The following DPF3 variants were observed in gnomAD, a reference collection of about 807,000 sequenced individuals.
DPF3 encodes double PHD fingers 3, also known as zinc finger protein DPF3.
A neutral mutation model predicts 56.8 loss-of-function variants in DPF3; 18 were observed. The observed-to-expected ratio is 0.32, with a 90% CI of 0.22 to 0.47. The LOEUF (loss-of-function observed/expected upper bound fraction) is 0.47, where lower values mean the gene tolerates loss of function less well. DPF3 is among the 20% of genes least tolerant of loss of function. The probability of loss-of-function intolerance (pLI) is 1.00; values close to 1 mark genes in which losing one functional copy is unlikely to be tolerated. For missense variants in DPF3, 403 were observed against 488.8 expected, an observed-to-expected ratio of 0.82 and a Z score of 1.65; for synonymous variants, 188 against 180.2, an observed-to-expected ratio of 1.04 and a Z score of -0.35.
intron 1 of DPF3, among the ~76,000 whole-genome samples, chr14:72,884,995 T>G (rs1450590750): frequency 1.6e-5 from 2 of 126,712 alleles, no homozygotes; most frequent in Non-Finnish European, 3.3e-5. Flanking sequence ...GGCGGGCGCC[T>G]GCAGTCCCAG....
chr14:72,885,113 GAGACTCCGTCTCAAAAAAAAA>G (rs1331904065), intron 1 of DPF3, among the ~76,000 whole-genome samples: 3 of 144,414 alleles, frequency 2.1e-5, no homozygotes, highest in African/African-American at 7.6e-5. Context: ...GCGACAGAGC[GAGACTCCGTCTCAAAAAAAAA>G]AAACAGGAAG....
chr14:72,643,311 G>A (rs946225336), intron 8 of DPF3, among the ~76,000 whole-genome samples: 1 of 152,192 alleles, frequency 6.6e-6, no homozygotes, highest in African/African-American at 2.4e-5. Flanking sequence ...CCACATAAGG[G>A]TGAACTAGCT....
chr14:72,746,157 C>T (rs1424707678), intron 3 of DPF3, among the ~76,000 whole-genome samples: 1 of 152,250 alleles, frequency 6.6e-6, no homozygotes, highest in African/African-American at 2.4e-5. Context: ...AGTCAAGGCC[C>T]TGGATGAAGT....
chr14:72,840,300 T>G (rs1884492767), intron 1 of DPF3, among the ~76,000 whole-genome samples: 1 of 152,222 alleles, frequency 6.6e-6, no homozygotes, highest in Non-Finnish European at 1.5e-5. Flanking sequence ...CACTCTAGTT[T>G]GTTTGATTTT....
At chr14:72,879,733 T>G (rs1437170660) in intron 1 of DPF3, 1 of 1,465,804 alleles carries the variant, frequency 6.8e-7, no homozygotes, top group Non-Finnish European at 9.0e-7. Context: ...GAGTCGTCTC[T>G]CTGGGCAGGG....
intron 3 of DPF3, among the ~76,000 whole-genome samples, chr14:72,734,216 TGTC>T (rs1162804039): frequency 3.3e-5 from 5 of 152,222 alleles, no homozygotes; most frequent in Non-Finnish European, 5.9e-5. Flanking sequence ...AATTACGAAT[TGTC>T]GTAAATGTTA....
intron 1 of DPF3, among the ~76,000 whole-genome samples, chr14:72,887,646 G>C (rs958753664): frequency 1.3e-5 from 2 of 151,568 alleles, no homozygotes; most frequent in African/African-American, 2.4e-5. Context: ...GGAATTTGGG[G>C]AATCAAAGTA....
At chr14:72,845,621 T>C (rs1884719650) in intron 1 of DPF3, among the ~76,000 whole-genome samples, 1 of 152,152 alleles carries the variant, frequency 6.6e-6, no homozygotes, top group African/African-American at 2.4e-5. Context: ...AATGCCACTT[T>C]CCAGAGTAGT....
intron 1 of DPF3, among the ~76,000 whole-genome samples, chr14:72,772,245 A>C (rs1226313057): frequency 7.2e-5 from 11 of 152,182 alleles, no homozygotes; most frequent in Non-Finnish European, 1.2e-4. Flanking sequence ...TTCTGCATGG[A>C]ATCTAGAGGA....
chr14:72,801,910 A>G (rs944627658), intron 1 of DPF3, among the ~76,000 whole-genome samples: 5 of 152,348 alleles, frequency 3.3e-5, no homozygotes, highest in African/African-American at 1.2e-4. Context: ...AAAGAAGGCT[A>G]GCTGCCAAGA....
At chr14:72,676,052 T>C (rs1886893624) in intron 7 of DPF3, among the ~76,000 whole-genome samples, 1 of 152,204 alleles carries the variant, frequency 6.6e-6, no homozygotes, top group Admixed American at 6.5e-5. Flanking sequence ...TTTAGAACTC[T>C]CCTAAGAAAA....
chr14:72,724,170 C>T (rs1160381061), intron 4 of DPF3: 1 of 155,272 alleles, frequency 6.4e-6, no homozygotes, highest in Admixed American at 6.5e-5. Flanking sequence ...CAAGTAACTT[C>T]CTGTTCATCT....
chr14:72,697,183 C>T (rs999482664), intron 6 of DPF3, among the ~76,000 whole-genome samples: 9 of 152,220 alleles, frequency 5.9e-5, no homozygotes, highest in Non-Finnish European at 1.0e-4. Flanking sequence ...CCATGTCATT[C>T]TTCTATCACC....
chr14:72,692,504 C>A (rs1405871232), intron 7 of DPF3, among the ~76,000 whole-genome samples: 3 of 152,204 alleles, frequency 2.0e-5, no homozygotes, highest in African/African-American at 7.2e-5. Flanking sequence ...CCCAACATCC[C>A]AAACGACAAA....
chr14:72,806,000 C>G (rs960843261), intron 1 of DPF3: 3 of 152,176 alleles, frequency 2.0e-5, no homozygotes, highest in Non-Finnish European at 1.5e-5. Context: ...GGGCTTCTTC[C>G]TTCATTCTCA....
At chr14:72,620,396 C>CAG (rs1333865378) in intron 9 of DPF3, among the ~76,000 whole-genome samples, 1 of 152,198 alleles carries the variant, frequency 6.6e-6, no homozygotes, top group Non-Finnish European at 1.5e-5. Flanking sequence ...TTCTGGACTC[C>CAG]ACTCTCTCCA....
At chr14:72,880,410 A>G (rs1886280632) in intron 1 of DPF3, among the ~76,000 whole-genome samples, 1 of 152,100 alleles carries the variant, frequency 6.6e-6, no homozygotes, top group South Asian at 2.1e-4. Flanking sequence ...ACATCACCAA[A>G]CCCAGATGCC....
intron 6 of DPF3, among the ~76,000 whole-genome samples, chr14:72,705,567 G>T (rs772962302): frequency 6.6e-6 from 1 of 152,090 alleles, no homozygotes; most frequent in Admixed American, 6.6e-5. Context: ...GGGTACTGTG[G>T]CTCTAAGCAC....
intron 8 of DPF3, among the ~76,000 whole-genome samples, chr14:72,656,604 C>T (rs1886069432): frequency 6.6e-6 from 1 of 152,220 alleles, no homozygotes; most frequent in Non-Finnish European, 1.5e-5. Context: ...ATAGCATTTT[C>T]TAACTTTTAG....
Sources: gnomAD v4.1 joint callset for allele counts (sites outside exome capture counted in the v4.1 genomes callset) on GRCh38, gnomAD v4.1.1 for gene constraint, MANE v1.5 for transcripts, NCBI Gene and HGNC (gene_info 2026-07-23, HGNC 2026-07-21) for gene names.